The following TARM1 variants were observed in gnomAD, a reference collection of about 807,000 sequenced individuals.
TARM1 encodes T-cell-interacting, activating receptor on myeloid cells protein 1.
A neutral mutation model predicts 30.4 loss-of-function variants in TARM1; 24 were observed. The observed-to-expected ratio is 0.79, with a 90% CI of 0.57 to 1.11. The LOEUF is 1.11. Ranked by LOEUF, TARM1 falls within the 50% of genes least tolerant of loss-of-function variation. The pLI, the probability that TARM1 is intolerant of heterozygous loss-of-function variation, is 0.00. For missense variants in TARM1, 323 were observed against 332.8 expected (o/e 0.97, Z 0.23); for synonymous variants, 129 against 138.9 (o/e 0.93, Z 0.50).
Position 54,074,027 on chromosome 19 carries a change from A to G in TARM1, c.551T>C (p.Val184Ala), listed in dbSNP as rs2071878590. The change falls in exon 4 of 5, where the codon GTG (valine) becomes GCG (alanine). Residue 184 changes from valine (V) to alanine (A), a missense_variant. Physicochemically the swap from Val to Ala is moderately conservative, Grantham distance 64 (BLOSUM62 0). Transcript: ENST00000432826. ...PAGKEIDFSL[V>A]DVTAGDAGNY... Reference sequence around the variant, plus strand: ...CCCAGCATCGCCGGCTGTCACGTCCACCAGAGAGAAGTCTATCTCCTTCCC... The same window carrying G: ...CCCAGCATCGCCGGCTGTCACGTCCGCCAGAGAGAAGTCTATCTCCTTCCC... 1 of 1,551,480 alleles carries G rather than the reference A, an allele frequency of 6.4e-7. No individual in the cohort carries two copies. Among genetic ancestry groups the G allele is most frequent in the African/African-American group, 1.4e-5 (1 of 73,008 alleles).
Position 54,074,854 on chromosome 19 carries a change from G to C in TARM1, c.331C>G (p.His111Asp). 1 of 1,551,586 alleles carries C rather than the reference G, an allele frequency of 6.4e-7. No individual in the cohort carries two copies. The highest frequency in any genetic ancestry group is 8.7e-7 in the Non-Finnish European group (1 of 1,146,960). ...RKASPHILSQ[H>D]SDVLLLLVTG... ...ACCAACAGTAGAAGGACGTCACTGT[G>C]CTGTGAAAGGATGTGGGGGGATGCT... The change falls in exon 3 of 5, where the codon CAC becomes GAC. Residue 111 changes from histidine (H) to aspartate (D), a missense_variant. By Grantham distance (81) the His-to-Asp change is moderately conservative. Coordinates refer to ENST00000432826, the MANE Select transcript of TARM1 (RefSeq NM_001135686.3).
At chr19:54,077,831 C>T (rs2071997046) in intron 1 of TARM1, among the ~76,000 whole-genome samples, 1 of 150,784 alleles carries the variant, frequency 6.6e-6, no homozygotes, top group Non-Finnish European at 1.5e-5. Flanking sequence ...CAACCTCCGC[C>T]TCGCGGGTTC....
In TARM1 at chr19:54,074,145, G is replaced by T. The variant is rs1600202573; in HGVS notation, c.433C>A (p.Gln145Lys). 1 of 1,551,708 alleles carries T rather than the reference G, an allele frequency of 6.4e-7. No individual in the cohort carries two copies. Among genetic ancestry groups the T allele is most frequent in the African/African-American group, 1.4e-5 (1 of 73,170 alleles). ...AACAATTGGTCTCGCTTCTGGCACT[G>T]CAGAGTCACCCTTCCACCTGCGGTC... ...TVTAGGRVTLQCQKRDQLFVP... is the reference protein window; with the variant it reads ...TVTAGGRVTLKCQKRDQLFVP... Residue 145 changes from glutamine (Q) to lysine (K), a missense_variant, in exon 4 of 5, where the codon CAG becomes AAG. Physicochemically the swap from Gln to Lys is moderately conservative, Grantham distance 53. Coordinates refer to ENST00000432826, the MANE Select transcript of TARM1 (RefSeq NM_001135686.3).
At chr19:54,081,203 G>T in intron 1 of TARM1, 104 bp downstream of exon 1, 3 of 1,123,802 alleles carry the variant, frequency 2.7e-6, no homozygotes, top group Non-Finnish European at 3.9e-6. Flanking sequence ...CCTCCCGTGT[G>T]CTCAGTAAGC....
intron 4 of TARM1, among the ~76,000 whole-genome samples, chr19:54,071,964 G>A (rs1339015087): frequency 5.9e-5 from 9 of 152,210 alleles, no homozygotes; most frequent in South Asian, 4.1e-4. Context: ...AGGCCCAAGC[G>A]GGCAGATCAC....
chr19:54,078,581 A>G (rs1463410542), intron 1 of TARM1, among the ~76,000 whole-genome samples: 3 of 151,768 alleles, frequency 2.0e-5, no homozygotes, highest in African/African-American at 7.3e-5. Context: ...GTTTCACCCT[A>G]TTGGCCAGGC....
intron 4 of TARM1, among the ~76,000 whole-genome samples, chr19:54,071,635 T>C (rs1337524198): frequency 6.6e-6 from 1 of 151,698 alleles, no homozygotes; most frequent in Admixed American, 6.6e-5. Flanking sequence ...CTGGGCAACA[T>C]GGCGAAACCC....
intron 4 of TARM1, among the ~76,000 whole-genome samples, chr19:54,072,953 G>A (rs1228738841): frequency 2.6e-5 from 4 of 151,830 alleles, no homozygotes; most frequent in South Asian, 2.1e-4. Flanking sequence ...ACTCCACCCT[G>A]GGCAACAGAG....
rs1292750438 is a variant in TARM1, at chr19:54,074,815, T to C, written c.361+9A>G. ...CCCCGTATGTCATTGGCAGGCACCC[T>C]GTCTGTACCTGTCACCAACAGTAGA... On this transcript the variant is annotated intron_variant, in intron 3 of 4. Coordinates refer to ENST00000432826, the MANE Select transcript of TARM1 (RefSeq NM_001135686.3). 2.6e-6 allele frequency: 4 copies of C among 1,549,708 alleles called. No individual in the cohort carries two copies. Among genetic ancestry groups the C allele is most frequent in the African/African-American group, 1.4e-5 (1 of 73,124 alleles).
chr19:54,076,527 TG>T, intron 1 of TARM1: 1 of 320,434 alleles, frequency 3.1e-6, no homozygotes, highest in East Asian at 7.2e-5. Flanking sequence ...GACGCCCGGC[TG>T]AGTTTTGTAT....
At chr19:54,079,874 G>A (rs1462783391) in intron 1 of TARM1, among the ~76,000 whole-genome samples, 1 of 151,362 alleles carries the variant, frequency 6.6e-6, no homozygotes. Flanking sequence ...GTGTGTGGTG[G>A]GCACCTGTAA....
At position 54,081,352 on chromosome 19, in the gene TARM1, A is replaced by G. The variant is rs1311522811; in HGVS notation, c.-12T>C. On this transcript the variant is annotated 5_prime_UTR_variant, in exon 1 of 5. Coordinates refer to ENST00000432826, the MANE Select transcript of TARM1 (RefSeq NM_001135686.3). ...AGCTTAGGGATCATGATGGCTCCTTAGCCCTCCCAGAGTCCGTCTTGGGTT... is the reference window on the plus strand; with the variant it reads ...AGCTTAGGGATCATGATGGCTCCTTGGCCCTCCCAGAGTCCGTCTTGGGTT... 6.5e-7 allele frequency: 1 copy of G among 1,533,350 alleles called. No homozygotes were observed. Among genetic ancestry groups the G allele is most frequent in the Admixed American group, 2.1e-5 (1 of 47,436 alleles). The allele number at this position is 1,533,350 out of a possible 1,614,324, so 95.0% of individuals were successfully genotyped here. A position where few individuals can be genotyped will look rare whatever the true frequency, so the allele number is the denominator to read the frequency against.
chr19:54,071,278 G>A (rs1426381812), intron 4 of TARM1, among the ~76,000 whole-genome samples: 2 of 152,066 alleles, frequency 1.3e-5, no homozygotes, highest in Non-Finnish European at 2.9e-5. Flanking sequence ...ATCCTAATGA[G>A]TTGTAATGGG....
chr19:54,072,993 CA>C (rs1178139440), intron 4 of TARM1, among the ~76,000 whole-genome samples: 3 of 151,462 alleles, frequency 2.0e-5, no homozygotes, highest in Non-Finnish European at 4.4e-5. Context: ...CAAAATGAAA[CA>C]AAACAAAACA....
At chr19:54,072,643 TGAGA>T (rs1185766175) in intron 4 of TARM1, among the ~76,000 whole-genome samples, 1 of 151,712 alleles carries the variant, frequency 6.6e-6, no homozygotes, top group Admixed American at 6.6e-5. Flanking sequence ...CACACATGAC[TGAGA>T]AAGAATTATT....
At chr19:54,071,514 C>T (rs945346020) in intron 4 of TARM1, among the ~76,000 whole-genome samples, 2 of 152,084 alleles carry the variant, frequency 1.3e-5, no homozygotes, top group African/African-American at 2.4e-5. Flanking sequence ...TGCAGCAGTG[C>T]ACCTGAGAAA....
intron 1 of TARM1, among the ~76,000 whole-genome samples, chr19:54,079,912 G>C (rs1244295433): frequency 6.6e-6 from 1 of 151,260 alleles, no homozygotes; most frequent in Middle Eastern, 3.2e-3. Context: ...GCTGAGGCAG[G>C]AGAATTGCTT....
Position 54,074,039 on chromosome 19 carries a change from T to A in TARM1, c.539A>T (p.Asp180Val), listed in dbSNP as rs1447840535. ...QLQSPAGKEI[D>V]FSLVDVTAGD... ...GGCTGTCACGTCCACCAGAGAGAAGTCTATCTCCTTCCCCGCTGGACTCTG... is the reference window on the plus strand; with the variant it reads ...GGCTGTCACGTCCACCAGAGAGAAGACTATCTCCTTCCCCGCTGGACTCTG... The change falls in exon 4 of 5, where the codon GAC becomes GTC. Residue 180 changes from aspartate to valine, a missense_variant. Physicochemically the swap from Asp to Val is radical, Grantham distance 152 (BLOSUM62 -3). Transcript: ENST00000432826. 1.3e-6 allele frequency: 2 copies of A among 1,551,458 alleles called. No homozygotes were observed. Among genetic ancestry groups the A allele is most frequent in the African/African-American group, 2.7e-5 (2 of 73,010 alleles).
intron 4 of TARM1, among the ~76,000 whole-genome samples, chr19:54,070,911 C>A (rs1316243768): frequency 2.6e-5 from 4 of 152,094 alleles, no homozygotes; most frequent in African/African-American, 9.7e-5. Context: ...CATGCCTGGC[C>A]ATAATTGAGC....
Sources: allele counts gnomAD v4.1 joint callset (sites outside exome capture counted in the v4.1 genomes callset), GRCh38; gene constraint gnomAD v4.1.1; transcripts MANE v1.5; gene names NCBI Gene and HGNC (gene_info 2026-07-23, HGNC 2026-07-21).